Variants in DPH6 observed in about 807,000 individuals in gnomAD.
DPH6 encodes diphthamine biosynthesis 6.
A neutral mutation model predicts 38.2 loss-of-function variants in DPH6; 33 were observed. The ratio of observed to expected loss-of-function variants is 0.86; its 90% CI spans 0.65 to 1.15. DPH6 has a LOEUF of 1.15. DPH6 is among the 50% of genes most tolerant of loss of function. The pLI is 0.00. For synonymous variants in DPH6, 108 were observed against 103.0 expected, an observed-to-expected ratio of 1.05 and a Z score of -0.30; for missense variants, 325 against 320.0, an observed-to-expected ratio of 1.02 and a Z score of -0.12.
At chr15:35,425,692 G>GGT (rs375783053) in intron 5 of DPH6, among the ~76,000 whole-genome samples, 13 of 147,290 alleles carry the variant, frequency 8.8e-5, no homozygotes, top group South Asian at 2.1e-4. Flanking sequence ...TGTGTGTATG[G>GGT]GTGTGTGTGT....
At chr15:35,222,636 G>A (rs969482596) in intron 3 of DPH6, among the ~76,000 whole-genome samples, 4 of 152,050 alleles carry the variant, frequency 2.6e-5, no homozygotes, top group African/African-American at 9.7e-5. Flanking sequence ...ATGAACTGGG[G>A]TACAGAAAAA....
downstream of DPH6, among the ~76,000 whole-genome samples, chr15:35,213,845 G>A (rs573450179): frequency 6.6e-5 from 10 of 152,330 alleles, no homozygotes; most frequent in South Asian, 8.3e-4. Flanking sequence ...GGGCGCGGTG[G>A]CTCACGCCTG....
Position 35,538,404 on chromosome 15 carries a change from T to C in DPH6, c.182A>G (p.Tyr61Cys), listed in dbSNP as rs747013601. The C allele has an allele frequency of 1.9e-6, 3 of 1,608,670 alleles. No individual in the cohort carries two copies. The East Asian group carries it at 6.7e-5, about 36-fold the overall frequency. Reference sequence around the variant, plus strand: ...GAGGGGAAGAGCCATTGCTTCTGCATACAAGTCAATGGCATGGTGCCCCAC... The same window carrying C: ...GAGGGGAAGAGCCATTGCTTCTGCACACAAGTCAATGGCATGGTGCCCCAC... ...QTVGHHAIDL[Y>C]AEAMALPLYR... The change falls in exon 3 of 9, where the codon TAT becomes TGT. Residue 61 changes from tyrosine to cysteine, a missense_variant. By Grantham distance (194) the Tyr-to-Cys change is radical. Transcript: ENST00000256538.
At chr15:35,447,133 T>C (rs376085460) in intron 5 of DPH6, among the ~76,000 whole-genome samples, 1 of 152,248 alleles carries the variant, frequency 6.6e-6, no homozygotes, top group African/African-American at 2.4e-5. Context: ...CCTCCCAAAG[T>C]GCTGGGATTA....
chr15:35,197,464 A>G, the DPH6 span, among the ~76,000 whole-genome samples: 2 of 152,216 alleles, frequency 1.3e-5, no homozygotes, highest in South Asian at 4.1e-4. Context: ...AAAAGAGAAA[A>G]AAAAATCTGA....
At chr15:35,193,542 C>T in the DPH6 span, among the ~76,000 whole-genome samples, 9 of 151,944 alleles carry the variant, frequency 5.9e-5, no homozygotes, top group Admixed American at 1.3e-4. Context: ...TCACTGGCAG[C>T]GATAAAGGTA....
downstream of DPH6, among the ~76,000 whole-genome samples, chr15:35,329,608 G>C (rs961158051): frequency 2.0e-5 from 3 of 152,166 alleles, no homozygotes; most frequent in African/African-American, 7.2e-5. Context: ...AGAAGCCTGA[G>C]TGAACTGCTG....
chr15:35,427,235 G>A (rs1238267565), intron 5 of DPH6, among the ~76,000 whole-genome samples: 1 of 151,824 alleles, frequency 6.6e-6, no homozygotes, highest in Admixed American at 6.6e-5. Flanking sequence ...GGCACTTTCT[G>A]AGAAAAACAG....
intron 5 of DPH6, among the ~76,000 whole-genome samples, chr15:35,422,868 T>C (rs1411237417): frequency 2.0e-5 from 3 of 151,916 alleles, no homozygotes; most frequent in Admixed American, 2.0e-4. Context: ...TCCAGGTTCA[T>C]CCGTGTTGTT....
intron 3 of DPH6, among the ~76,000 whole-genome samples, chr15:35,296,117 T>C (rs2052013029): frequency 6.6e-6 from 1 of 151,986 alleles, no homozygotes; most frequent in Non-Finnish European, 1.5e-5. Context: ...TTTTTTGTAT[T>C]TTTAGTAGAG....
At chr15:35,194,208 G>A in the DPH6 span, among the ~76,000 whole-genome samples, 2 of 151,866 alleles carry the variant, frequency 1.3e-5, no homozygotes, top group East Asian at 3.9e-4. Flanking sequence ...TTTTGTGACC[G>A]TTTTCTCATT....
chr15:35,247,457 C>T (rs2051644674), intron 3 of DPH6, among the ~76,000 whole-genome samples: 3 of 152,206 alleles, frequency 2.0e-5, no homozygotes, highest in Non-Finnish European at 4.4e-5. Flanking sequence ...GGCCTGCCAG[C>T]TTTCATTACT....
At chr15:35,518,565 A>G (rs1239825561) in intron 3 of DPH6, among the ~76,000 whole-genome samples, 1 of 152,012 alleles carries the variant, frequency 6.6e-6, no homozygotes, top group East Asian at 1.9e-4. Flanking sequence ...TTCTACTAAA[A>G]TAAAGATTCC....
At chr15:35,313,780 C>T (rs946993878) in intron 3 of DPH6, among the ~76,000 whole-genome samples, 1 of 152,084 alleles carries the variant, frequency 6.6e-6, no homozygotes, top group Admixed American at 6.6e-5. Context: ...GCTATTCATA[C>T]ACAAAAATTG....
chr15:35,331,027 T>C (rs2140861038), exon 4 of DPH6: 1 of 152,304 alleles, frequency 6.6e-6, no homozygotes, highest in South Asian at 2.1e-4. Flanking sequence ...CAGATGCTGC[T>C]AGTCCACTGG....
Position 35,239,727 on chromosome 15 carries a change from A to G in DPH6, n.201-19145T>C, listed in dbSNP as rs575125947. Among the ~76,000 whole-genome samples the G allele has an allele frequency of 2.2e-5, 3 of 137,724 alleles. 1 individual carries two copies. In the East Asian group the frequency reaches 6.9e-4, roughly 32 times the overall value. The allele number at this position is 137,724 out of a possible 152,430, so 90.4% of individuals were successfully genotyped here. A position where few individuals can be genotyped will look rare whatever the true frequency, so the allele number is the denominator to read the frequency against. Reference sequence around the variant, plus strand: ...GTGGCAAGTCCTGCTTTCCTGGGGCAGGGGCAAGTACCCCTCAACCCCTTC... The same window carrying G: ...GTGGCAAGTCCTGCTTTCCTGGGGCGGGGGCAAGTACCCCTCAACCCCTTC... On this transcript the variant is annotated intron_variant and non_coding_transcript_variant, in intron 3 of 3. Transcript: ENST00000560386.
rs186724080 is a variant in DPH6 at position 35,495,694 on chromosome 15, C to T, written c.313-40874G>A. Among the ~76,000 whole-genome samples, 153 of 152,184 alleles carry T rather than the reference C, an allele frequency of 1.0e-3. 3 individuals carry two copies. In the East Asian group the frequency reaches 0.027, roughly 27 times the overall value. ...AATCTATAGATTCAGTATAATCCCG[C>T]TCAAAATCCCAGCAGATTATTTTTG... On this transcript the variant is annotated intron_variant, in intron 3 of 8. Transcript: ENST00000256538.
intron 3 of DPH6, among the ~76,000 whole-genome samples, chr15:35,278,909 C>T (rs957578799): frequency 2.0e-5 from 3 of 151,652 alleles, no homozygotes; most frequent in Admixed American, 6.6e-5. Context: ...ATTACGTGGG[C>T]GTGGTGGCAC....
chr15:35,280,071 C>G (rs751293001), intron 3 of DPH6, among the ~76,000 whole-genome samples: 22 of 152,194 alleles, frequency 1.4e-4, no homozygotes, highest in Non-Finnish European at 2.8e-4. Context: ...ACTTCCCAGC[C>G]TCCAGAACTG....
Sources: gnomAD v4.1 joint callset for allele counts (sites outside exome capture counted in the v4.1 genomes callset) on GRCh38, gnomAD v4.1.1 for gene constraint, MANE v1.5 for transcripts, NCBI Gene and HGNC (gene_info 2026-07-23, HGNC 2026-07-21) for gene names.